Variants in DTNA observed in about 807,000 individuals in gnomAD.
DTNA encodes the protein dystrobrevin alpha.
A neutral mutation model predicts 100.7 loss-of-function variants in DTNA; 43 were observed. The observed-to-expected ratio is 0.43, with a 90% CI of 0.33 to 0.55. DTNA has a LOEUF of 0.55. DTNA is among the 20% of genes least tolerant of loss of function. DTNA has a pLI of 0.04. For missense variants in DTNA, 798 were observed against 953.9 expected, an observed-to-expected ratio of 0.84 and a Z score of 2.15; for synonymous variants, 349 against 347.9, an observed-to-expected ratio of 1.00 and a Z score of -0.04.
chr18:34,577,391 G>A (rs963975085), intron 1 of DTNA, among the ~76,000 whole-genome samples: 4 of 151,938 alleles, frequency 2.6e-5, no homozygotes, highest in Non-Finnish European at 5.9e-5. Flanking sequence ...ATGTAGTTTG[G>A]TCTTGGTTTT....
chr18:34,523,105 G>T (rs2042297246), intron 1 of DTNA, among the ~76,000 whole-genome samples: 1 of 152,192 alleles, frequency 6.6e-6, no homozygotes, highest in Admixed American at 6.5e-5. Context: ...CTTCACTAAA[G>T]GGGATGCTGT....
intron 1 of DTNA, among the ~76,000 whole-genome samples, chr18:34,675,587 A>C (rs1057324195): frequency 6.6e-6 from 1 of 152,204 alleles, no homozygotes; most frequent in Non-Finnish European, 1.5e-5. Flanking sequence ...TTAAAATAAG[A>C]AAATGTAATA....
chr18:34,644,339 T>C (rs1599509679), intron 1 of DTNA, among the ~76,000 whole-genome samples: 1 of 152,300 alleles, frequency 6.6e-6, no homozygotes, highest in East Asian at 1.9e-4. Context: ...TAATTATTTA[T>C]GACTACTTGT....
At chr18:34,729,411 G>A (rs1467411374) in intron 1 of DTNA, among the ~76,000 whole-genome samples, 1 of 152,158 alleles carries the variant, frequency 6.6e-6, no homozygotes, top group Non-Finnish European at 1.5e-5. Context: ...CTGTGTTTCT[G>A]TGTGTGAGAA....
intron 1 of DTNA, among the ~76,000 whole-genome samples, chr18:34,512,150 T>C (rs2041155198): frequency 1.3e-5 from 2 of 152,000 alleles, no homozygotes; most frequent in Non-Finnish European, 2.9e-5. Flanking sequence ...GCTGTGTGTT[T>C]AGGAGACTTT....
intron 17 of DTNA, chr18:34,867,010 A>ATTAAT: frequency 8.2e-7 from 1 of 1,218,600 alleles, no homozygotes; most frequent in South Asian, 4.3e-5. Context: ...ATTAAATTAA[A>ATTAAT]TTAAATTAAA....
rs188922626 is a variant in DTNA, at chr18:34,808,288, C to T, written c.448+1984C>T. Among the ~76,000 whole-genome samples, 338 of 152,318 alleles carry T rather than the reference C, an allele frequency of 2.2e-3. 4 individuals are homozygous for T. The highest frequency in any genetic ancestry group is 2.1e-3 in the Non-Finnish European group (146 of 68,014). On this transcript the variant is annotated intron_variant, in intron 5 of 22. Transcript: ENST00000444659. ...AGCTTTGTTCAGTGTAAGATTTCAT[C>T]CTCCTCCAAGAGTAAGGGTGGAGGG... is the stretch of plus-strand genomic sequence containing the variant.
intron 5 of DTNA, 105 bp from the exon 6 acceptor site, chr18:34,811,854 A>C (rs1319640094): frequency 1.5e-6 from 2 of 1,305,150 alleles, no homozygotes; most frequent in Non-Finnish European, 2.2e-6. Context: ...TTTCATAAAA[A>C]ATGTTTATTT....
rs140571761 is a variant in DTNA at position 34,583,227 on chromosome 18, G to A, written c.-2+89713G>A. On this transcript the variant is annotated intron_variant, in intron 1 of 19. Coordinates refer to the DTNA transcript ENST00000283365. Reference sequence around the variant, plus strand: ...CTAATTGAATGTTGTACTTCACTATGTCTGTCTGATAGAAATAATTACATA... The same window carrying A: ...CTAATTGAATGTTGTACTTCACTATATCTGTCTGATAGAAATAATTACATA... 1.1e-4 allele frequency among the ~76,000 whole-genome samples: 16 copies of A among 152,274 alleles called. No homozygotes were observed. In the East Asian group the frequency reaches 3.1e-3, roughly 29 times the overall value.
At chr18:34,838,296 A>G in intron 12 of DTNA, 125 bp downstream of exon 12, 1 of 997,618 alleles carries the variant, frequency 1.0e-6, no homozygotes, top group Non-Finnish European at 1.5e-6. Flanking sequence ...CTCTGCTTTA[A>G]CCCAGTTAAC....
chr18:34,890,441 G>A lies in DTNA; in HGVS notation c.*2707G>A. ...GATTTACTTTTGGGGCCTGTTCTAA[G>A]TGCAAACCCAGCAAGTTTCACTTGT... is the stretch of plus-strand genomic sequence containing the variant. On this transcript the variant is annotated 3_prime_UTR_variant, in exon 23 of 23. Transcript: ENST00000444659. The A allele has an allele frequency of 6.5e-7, 1 of 1,536,136 alleles. No individual in the cohort carries two copies. Among genetic ancestry groups the A allele is most frequent in the Non-Finnish European group, 8.7e-7 (1 of 1,146,904 alleles).
chr18:34,517,227 G>T (rs1288683908), intron 1 of DTNA, among the ~76,000 whole-genome samples: 1 of 152,060 alleles, frequency 6.6e-6, no homozygotes, highest in Non-Finnish European at 1.5e-5. Flanking sequence ...TTACACTGAA[G>T]CTGCCCTAAA....
At chr18:34,786,606 C>T (rs2094517278) in intron 3 of DTNA, among the ~76,000 whole-genome samples, 2 of 151,926 alleles carry the variant, frequency 1.3e-5, no homozygotes, top group Non-Finnish European at 2.9e-5. Context: ...ATTGAGGGAG[C>T]ATGCGCATGG....
intron 1 of DTNA, among the ~76,000 whole-genome samples, chr18:34,643,014 T>A (rs2059465640): frequency 6.6e-6 from 1 of 152,174 alleles, no homozygotes; most frequent in African/African-American, 2.4e-5. Context: ...TGCCATAACT[T>A]AGCAGCAGGC....
intron 1 of DTNA, among the ~76,000 whole-genome samples, chr18:34,611,336 T>G (rs1599026193): frequency 6.6e-6 from 1 of 152,154 alleles, no homozygotes; most frequent in Non-Finnish European, 1.5e-5. Flanking sequence ...TTTAGACAGG[T>G]TCATTCACCT....
At chr18:34,527,809 T>C (rs2042770291) in intron 1 of DTNA, among the ~76,000 whole-genome samples, 1 of 152,224 alleles carries the variant, frequency 6.6e-6, no homozygotes, top group African/African-American at 2.4e-5. Context: ...TGAGTCCAGA[T>C]ACTGCAGTTA....
intron 1 of DTNA, among the ~76,000 whole-genome samples, chr18:34,581,917 CG>C (rs1296615147): frequency 6.6e-6 from 1 of 152,114 alleles, no homozygotes; most frequent in African/African-American, 2.4e-5. Flanking sequence ...CCACCATGCC[CG>C]GCCCTGCCCC....
chr18:34,572,776 G>A (rs2047718408), intron 1 of DTNA, among the ~76,000 whole-genome samples: 1 of 152,128 alleles, frequency 6.6e-6, no homozygotes, highest in African/African-American at 2.4e-5. Flanking sequence ...ACCTTGCAGT[G>A]GAACAGAACC....
chr18:34,829,565 A>G, intron 11 of DTNA, 76 bp downstream of exon 11: 1 of 1,361,232 alleles, frequency 7.3e-7, no homozygotes, highest in Non-Finnish European at 9.7e-7. Context: ...CTACTCTGGC[A>G]CTAAAATCCT....
Sources: allele counts gnomAD v4.1 joint callset (sites outside exome capture counted in the v4.1 genomes callset), GRCh38; gene constraint gnomAD v4.1.1; transcripts MANE v1.5; gene names NCBI Gene and HGNC (gene_info 2026-07-23, HGNC 2026-07-21).